Variants in RPH3A observed in about 807,000 individuals in gnomAD.
The protein encoded by RPH3A is rabphilin-3A.
In RPH3A, 48 loss-of-function variants were observed where a neutral mutation model predicts 102.2. The observed-to-expected ratio is 0.47, with a 90% confidence interval of 0.37 to 0.60. RPH3A has a LOEUF of 0.60. RPH3A is among the 20% of genes least tolerant of loss of function. The probability of loss-of-function intolerance (pLI) is 0.00; values close to 1 mark genes in which losing one functional copy is unlikely to be tolerated. For missense variants in RPH3A, 781 were observed against 910.1 expected (o/e 0.86, Z 1.83); for synonymous variants, 310 against 324.3 (o/e 0.96, Z 0.47).
At chr12:112,713,088 CTTCTTCTTCTTCTT>C (rs1592958320) in intron 1 of RPH3A, among the ~76,000 whole-genome samples, 2 of 120,980 alleles carry the variant, frequency 1.7e-5, no homozygotes, top group East Asian at 4.4e-4. Context: ...TCTTCTTCTT[CTTCTTCTTCTTCTT>C]TTATTTTTTT....
At chr12:112,827,610 G>A (rs924498472) in intron 2 of RPH3A, among the ~76,000 whole-genome samples, 3 of 152,158 alleles carry the variant, frequency 2.0e-5, no homozygotes, top group African/African-American at 7.2e-5. Context: ...AGGCTGAAAG[G>A]AGTAGGCAGA....
At chr12:112,632,003 A>T (rs1308194853) in intron 1 of RPH3A, among the ~76,000 whole-genome samples, 1 of 152,172 alleles carries the variant, frequency 6.6e-6, no homozygotes, top group Non-Finnish European at 1.5e-5. Context: ...CAATTTCCAC[A>T]TGTCATGGGA....
chr12:112,588,297 AG>A (rs2039452049), intron 1 of RPH3A, among the ~76,000 whole-genome samples: 1 of 152,232 alleles, frequency 6.6e-6, no homozygotes, highest in African/African-American at 2.4e-5. Context: ...TATAAATGAA[AG>A]GAGGTTTAAT....
At chr12:112,710,422 A>C (rs1302580758) in intron 1 of RPH3A, among the ~76,000 whole-genome samples, 1 of 152,148 alleles carries the variant, frequency 6.6e-6, no homozygotes, top group South Asian at 2.1e-4. Context: ...GGCGGTTTGA[A>C]GCTTTCAGGA....
chr12:112,757,589 A>T (rs1342820850), intron 1 of RPH3A, among the ~76,000 whole-genome samples: 1 of 152,182 alleles, frequency 6.6e-6, no homozygotes, highest in African/African-American at 2.4e-5. Context: ...ATTAAAAAAA[A>T]TTTTACTCAA....
intron 2 of RPH3A, among the ~76,000 whole-genome samples, chr12:112,819,148 C>T (rs1219166012): frequency 6.6e-6 from 1 of 152,032 alleles, no homozygotes; most frequent in African/African-American, 2.4e-5. Flanking sequence ...CTCTGTCACC[C>T]AGGCTGGAGT....
At chr12:112,689,296 T>A (rs565617770) in intron 1 of RPH3A, among the ~76,000 whole-genome samples, 18 of 152,318 alleles carry the variant, frequency 1.2e-4, no homozygotes, top group African/African-American at 4.3e-4. Context: ...TAGCCACAAG[T>A]TGAGGTTGCC....
intron 1 of RPH3A, among the ~76,000 whole-genome samples, chr12:112,710,002 T>A (rs1045298653): frequency 3.3e-5 from 5 of 151,478 alleles, no homozygotes; most frequent in African/African-American, 1.2e-4. Flanking sequence ...TGAGACGGAG[T>A]CTTACTCTGT....
intron 1 of RPH3A, among the ~76,000 whole-genome samples, chr12:112,708,288 A>G (rs1246353778): frequency 6.6e-6 from 1 of 152,098 alleles, no homozygotes; most frequent in Non-Finnish European, 1.5e-5. Flanking sequence ...AACCCTGTGG[A>G]GATGGTGTTA....
At chr12:112,779,228 A>G (rs2040989807) in intron 1 of RPH3A, among the ~76,000 whole-genome samples, 1 of 152,206 alleles carries the variant, frequency 6.6e-6, no homozygotes, top group East Asian at 1.9e-4. Flanking sequence ...GCTGGGAGCG[A>G]GTGTCCTAGA....
At chr12:112,645,152 G>A (rs1194113928) in intron 1 of RPH3A, among the ~76,000 whole-genome samples, 1 of 152,142 alleles carries the variant, frequency 6.6e-6, no homozygotes, top group Non-Finnish European at 1.5e-5. Context: ...TTATGAATGA[G>A]GTCCTGAGTT....
chr12:112,894,670 C>T lies in RPH3A; in HGVS notation c.1857+11C>T. The T allele has an allele frequency of 3.1e-6, 5 of 1,611,458 alleles. No homozygotes were observed. Among genetic ancestry groups the T allele is most frequent in the Non-Finnish European group, 4.2e-6 (5 of 1,178,916 alleles). On this transcript the variant is annotated intron_variant, in intron 20 of 21. Transcript: ENST00000389385. ...CCCGAATTCAATGAGGTAAGGCTGCCCTATTCTTTTTCATGCTCTGGGATA... is the reference window on the plus strand; with the variant it reads ...CCCGAATTCAATGAGGTAAGGCTGCTCTATTCTTTTTCATGCTCTGGGATA...
chr12:112,646,642 G>C (rs1166387284), intron 1 of RPH3A, among the ~76,000 whole-genome samples: 3 of 152,290 alleles, frequency 2.0e-5, no homozygotes, highest in African/African-American at 7.2e-5. Context: ...AGTGAGGTTG[G>C]ACAGTTTCCT....
chr12:112,844,258 G>A (rs1053286206), intron 4 of RPH3A, among the ~76,000 whole-genome samples: 2 of 152,142 alleles, frequency 1.3e-5, no homozygotes, highest in African/African-American at 2.4e-5. Flanking sequence ...CTCTGTCTCG[G>A]GTGACAAGAG....
At chr12:112,846,543 G>T (rs1351146383) in intron 4 of RPH3A, among the ~76,000 whole-genome samples, 1 of 152,230 alleles carries the variant, frequency 6.6e-6, no homozygotes, top group African/African-American at 2.4e-5. Context: ...GAGGAAGATG[G>T]GTTTTTAATT....
intron 5 of RPH3A, among the ~76,000 whole-genome samples, chr12:112,863,640 G>A (rs1347026297): frequency 6.6e-6 from 1 of 152,202 alleles, no homozygotes; most frequent in African/African-American, 2.4e-5. Flanking sequence ...TTTTGGCTCT[G>A]CCACTTCCTA....
chr12:112,709,291 T>C (rs2040444442), intron 1 of RPH3A, among the ~76,000 whole-genome samples: 1 of 152,234 alleles, frequency 6.6e-6, no homozygotes, highest in Non-Finnish European at 1.5e-5. Flanking sequence ...GGCTCATGCC[T>C]GTAATCCCAG....
chr12:112,736,465 G>A (rs1046782386), intron 1 of RPH3A, among the ~76,000 whole-genome samples: 8 of 152,178 alleles, frequency 5.3e-5, no homozygotes, highest in African/African-American at 1.9e-4. Flanking sequence ...TCAGCATCTT[G>A]CATTGGCCTG....
At chr12:112,755,701 A>G (rs1324731674) in intron 1 of RPH3A, among the ~76,000 whole-genome samples, 1 of 152,102 alleles carries the variant, frequency 6.6e-6, no homozygotes, top group East Asian at 1.9e-4. Flanking sequence ...TGCAGCTGAG[A>G]GAAGAGCCGC....
Sources: allele counts gnomAD v4.1 joint callset (sites outside exome capture counted in the v4.1 genomes callset), GRCh38; gene constraint gnomAD v4.1.1; transcripts MANE v1.5; gene names NCBI Gene and HGNC (gene_info 2026-07-23, HGNC 2026-07-21).